STRN3: variants seen among roughly 807,000 people sequenced by gnomAD.
The protein encoded by STRN3 is striatin-3.
In STRN3, 29 loss-of-function variants were observed where a neutral mutation model predicts 95.6. That is an observed-to-expected ratio of 0.30 (90% CI 0.23 to 0.41). The LOEUF is 0.41. STRN3 is among the 10% of genes least tolerant of loss of function. STRN3 has a pLI of 1.00. For synonymous variants in STRN3, 331 were observed against 357.6 expected (o/e 0.93, Z 0.84); for missense variants, 890 against 972.1 (o/e 0.92, Z 1.12).
chr14:31,025,967 C>G lies in STRN3; in HGVS notation c.219G>C (p.Gln73His). 2 of 1,587,234 alleles carry G rather than the reference C, an allele frequency of 1.3e-6. No homozygotes were observed. The highest frequency in any genetic ancestry group is 2.7e-5 in the African/African-American group (2 of 74,126). The change falls in exon 1 of 18, where the codon CAG becomes CAC. Residue 73 changes from glutamine to histidine, a missense_variant. Physicochemically the swap from Gln to His is conservative, Grantham distance 24. This residue lies in a region of STRN3 where 526 missense variants were observed against 526.3 expected (regional missense o/e 1.00). Transcript: ENST00000357479. ...YTIPGILHYI[Q>H]HEWARFEMER... ...CCATCTCGAACCGAGCCCACTCGTG[C>G]TGGATGTAGTGCAGTATCCCCGGGA...
chr14:31,014,620 G>T lies in STRN3; in HGVS notation c.282+11284C>A, dbSNP rs759658184. On this transcript the variant is annotated intron_variant, in intron 1 of 17. Coordinates refer to ENST00000357479, the MANE Select transcript of STRN3 (RefSeq NM_001083893.2). ...TACATTTATAATTGCTTTAATTCTAGTCTTTTAAATCTTGTTCACTGAAAC... is the reference window on the plus strand; with the variant it reads ...TACATTTATAATTGCTTTAATTCTATTCTTTTAAATCTTGTTCACTGAAAC... 3 of 436,288 alleles carry T rather than the reference G, an allele frequency of 6.9e-6. No individual in the cohort carries two copies. In the East Asian group the frequency reaches 2.2e-4, roughly 32 times the overall value. The allele number at this position is 436,288 out of a possible 1,614,324, so 27.0% of individuals were successfully genotyped here.
chr14:31,000,336 C>A (rs947427477), intron 1 of STRN3, among the ~76,000 whole-genome samples: 1 of 151,324 alleles, frequency 6.6e-6, no homozygotes, highest in African/African-American at 2.4e-5. Context: ...GATGGGTATA[C>A]AATAGAGGGA....
At chr14:31,008,758 G>A (rs999848027) in intron 1 of STRN3, among the ~76,000 whole-genome samples, 2 of 152,160 alleles carry the variant, frequency 1.3e-5, no homozygotes, top group Non-Finnish European at 2.9e-5. Context: ...TTTAGAAACA[G>A]CTGGGTGCAG....
chr14:30,957,106 C>T (rs147875263), intron 1 of STRN3, among the ~76,000 whole-genome samples: 4 of 151,992 alleles, frequency 2.6e-5, no homozygotes, highest in Admixed American at 6.6e-5. Flanking sequence ...TGCAGTGAGC[C>T]GAGATGGTGC....
intron 1 of STRN3, among the ~76,000 whole-genome samples, chr14:30,983,798 G>C (rs1038623372): frequency 6.6e-6 from 1 of 152,094 alleles, no homozygotes; most frequent in African/African-American, 2.4e-5. Context: ...AATAAATGTA[G>C]TTATTAAACC....
chr14:31,018,332 T>C (rs1883341078), intron 1 of STRN3: 2 of 283,890 alleles, frequency 7.0e-6, no homozygotes, highest in South Asian at 6.7e-5. Flanking sequence ...TTCATCTCTG[T>C]ACCCCCAGCA....
intron 1 of STRN3, among the ~76,000 whole-genome samples, chr14:30,961,906 T>G (rs1880226593): frequency 6.6e-6 from 1 of 152,264 alleles, no homozygotes; most frequent in African/African-American, 2.4e-5. Context: ...CGTGCCTGGT[T>G]CTATCGTTAT....
intron 1 of STRN3, 88 bp from the exon 2 acceptor site, chr14:30,956,330 T>G: frequency 8.4e-7 from 1 of 1,193,340 alleles, no homozygotes. Flanking sequence ...CACAAACTGT[T>G]GCACTTGACT....
chr14:31,014,244 A>ATC lies in STRN3; in HGVS notation c.282+11659_282+11660insGA, dbSNP rs1883130197. The stretch of plus-strand genomic sequence containing the variant: ...GTTGTTGTTGTTGCTGTTCTGAGAC[A>ATC]GAGTCTTGCTCTGTTGCCCAAGCTG... On this transcript the variant is annotated intron_variant, in intron 1 of 17. Transcript: ENST00000357479. Among the ~76,000 whole-genome samples, 5 of 152,102 alleles carry ATC rather than the reference A, an allele frequency of 3.3e-5. No homozygotes were observed. The South Asian group carries it at 1.0e-3, about 32-fold the overall frequency.
rs1169434560 is a variant in STRN3, at chr14:30,894,447, A to C, written c.*964T>G. 1 of 152,592 alleles carries C rather than the reference A, an allele frequency of 6.6e-6. No homozygotes were observed. The highest frequency in any genetic ancestry group is 1.5e-5 in the Non-Finnish European group (1 of 68,078). 9.5% of individuals were successfully genotyped at this position (152,592 alleles called of 1,614,324 possible). On this transcript the variant is annotated 3_prime_UTR_variant, in exon 18 of 18. Transcript: ENST00000357479. ...AGACCAACAAAAAGTGAAATAAATAATAGGCCATTAGCAAGATGGATAATC... is the reference window on the plus strand; with the variant it reads ...AGACCAACAAAAAGTGAAATAAATACTAGGCCATTAGCAAGATGGATAATC...
rs890743806 is a variant in STRN3 at position 30,948,295 on chromosome 14, T to C, written c.543-1032A>G. Among the ~76,000 whole-genome samples, 12 of 152,302 alleles carry C rather than the reference T, an allele frequency of 7.9e-5. No homozygotes were observed. In the East Asian group the frequency reaches 1.2e-3, roughly 15 times the overall value. ...CAAGTGACAATGTTTATTAGGCACATAGATGATACAAATCAAAAGCTCAGA... is the reference window on the plus strand; with the variant it reads ...CAAGTGACAATGTTTATTAGGCACACAGATGATACAAATCAAAAGCTCAGA... On this transcript the variant is annotated intron_variant, in intron 4 of 17. Transcript: ENST00000357479.
intron 1 of STRN3, among the ~76,000 whole-genome samples, chr14:30,979,846 C>T (rs1194116829): frequency 1.3e-5 from 2 of 151,942 alleles, no homozygotes; most frequent in Non-Finnish European, 2.9e-5. Context: ...GTAATCTGCC[C>T]GCCTTGGCTT....
intron 1 of STRN3, among the ~76,000 whole-genome samples, chr14:31,001,067 G>C (rs1882427830): frequency 1.3e-5 from 2 of 152,296 alleles, no homozygotes; most frequent in South Asian, 4.1e-4. Context: ...TTTACAGAGA[G>C]TACCTAGCTG....
intron 5 of STRN3, among the ~76,000 whole-genome samples, chr14:30,939,459 T>C (rs1230384280): frequency 2.0e-5 from 3 of 152,036 alleles, no homozygotes. Context: ...AAGAATGAAA[T>C]AAGGAATCAG....
In STRN3 at chr14:30,954,897, T is replaced by C. The variant is rs189042388; in HGVS notation, c.460+723A>G. 3.4e-3 allele frequency among the ~76,000 whole-genome samples: 506 copies of C among 149,658 alleles called. 3 individuals carry two copies. Among genetic ancestry groups the C allele is most frequent in the Non-Finnish European group, 5.0e-3 (340 of 67,626 alleles). ...TATTTTCTGAATATTCTAGCCATAC[T>C]GGAAATAAAATGAGTCAAGAAAAAA... On this transcript the variant is annotated intron_variant, in intron 3 of 17. Coordinates refer to ENST00000357479, the MANE Select transcript of STRN3 (RefSeq NM_001083893.2).
chr14:30,977,025 G>C (rs980924220), intron 1 of STRN3, among the ~76,000 whole-genome samples: 9 of 152,124 alleles, frequency 5.9e-5, no homozygotes, highest in Non-Finnish European at 5.9e-5. Context: ...AGGAGTTTGA[G>C]ACCAGCCTGG....
chr14:31,025,624 C>T, intron 1 of STRN3: 1 of 504,298 alleles, frequency 2.0e-6, no homozygotes, highest in South Asian at 2.2e-5. Flanking sequence ...AAGGCCGCCT[C>T]CGGAGGAGCC....
chr14:30,988,249 G>A (rs1213135492), intron 1 of STRN3, among the ~76,000 whole-genome samples: 1 of 152,118 alleles, frequency 6.6e-6, no homozygotes, highest in Non-Finnish European at 1.5e-5. Context: ...TGTGACACGA[G>A]CAGCACTTTG....
chr14:30,951,145 T>C (rs528199233), intron 3 of STRN3, among the ~76,000 whole-genome samples: 1 of 152,208 alleles, frequency 6.6e-6, no homozygotes, highest in Non-Finnish European at 1.5e-5. Context: ...TTAAGTACTA[T>C]GTCCCCCATT....
Sources: gnomAD v4.1 joint callset for allele counts (sites outside exome capture counted in the v4.1 genomes callset) on GRCh38, gnomAD v4.1.1 for gene constraint, gnomAD v4.1.1 regional missense constraint, MANE v1.5 for transcripts, NCBI Gene and HGNC (gene_info 2026-07-23, HGNC 2026-07-21) for gene names.